IGF1R: variants seen among roughly 807,000 people sequenced by gnomAD.
IGF1R encodes the protein insulin like growth factor 1 receptor, also known as insulin-like growth factor 1 receptor.
IGF1R carries 44 observed loss-of-function variants against 144.6 expected under a neutral mutation model. That is an observed-to-expected ratio of 0.30 (90% CI 0.24 to 0.39). The LOEUF is 0.39. IGF1R is among the 10% of genes least tolerant of loss of function. IGF1R has a pLI of 1.00. For synonymous variants in IGF1R, 795 were observed against 722.8 expected (o/e 1.10, Z -1.60); for missense variants, 1,355 against 1,833.7 (o/e 0.74, Z 4.77).
chr15:98,739,870 G>A (rs1338753273), intron 2 of IGF1R, among the ~76,000 whole-genome samples: 2 of 152,196 alleles, frequency 1.3e-5, no homozygotes, highest in African/African-American at 4.8e-5. Context: ...GGGATTACAG[G>A]CCTGAGCCAC....
intron 2 of IGF1R, among the ~76,000 whole-genome samples, chr15:98,714,432 C>T (rs1251718421): frequency 1.3e-5 from 2 of 152,232 alleles, no homozygotes; most frequent in Non-Finnish European, 2.9e-5. Flanking sequence ...TCGCTTGAGT[C>T]CAGGAGCTCA....
chr15:98,888,859 G>A (rs2013771485), intron 2 of IGF1R, among the ~76,000 whole-genome samples: 1 of 152,172 alleles, frequency 6.6e-6, no homozygotes, highest in Non-Finnish European at 1.5e-5. Context: ...TTAGCCTAGC[G>A]GCCCCACTCT....
chr15:98,677,858 GT>G (rs1308052202), intron 1 of IGF1R, among the ~76,000 whole-genome samples: 3 of 152,348 alleles, frequency 2.0e-5, no homozygotes, highest in Admixed American at 2.0e-4. Context: ...GGTATGGCTA[GT>G]GGGTTGGGCA....
chr15:98,748,535 G>A (rs1444832307), intron 2 of IGF1R, among the ~76,000 whole-genome samples: 2 of 152,186 alleles, frequency 1.3e-5, no homozygotes, highest in African/African-American at 4.8e-5. Context: ...TAGCAATTAT[G>A]TGTAAAGTGG....
chr15:98,744,757 GCT>G (rs1203727909), intron 2 of IGF1R, among the ~76,000 whole-genome samples: 2 of 150,208 alleles, frequency 1.3e-5, no homozygotes, highest in African/African-American at 2.5e-5. Context: ...AATGCAAACT[GCT>G]CTGTTTTTTT....
At chr15:98,860,780 G>A (rs777211511) in intron 2 of IGF1R, among the ~76,000 whole-genome samples, 16 of 152,112 alleles carry the variant, frequency 1.1e-4, no homozygotes, top group Non-Finnish European at 1.9e-4. Context: ...AGAGAAAGCC[G>A]TCTCCATCAG....
chr15:98,767,922 G>T (rs1267927424), intron 2 of IGF1R, among the ~76,000 whole-genome samples: 1 of 152,170 alleles, frequency 6.6e-6, no homozygotes, highest in Non-Finnish European at 1.5e-5. Context: ...TGTGTGTGGG[G>T]TGATGTTTTC....
intron 1 of IGF1R, among the ~76,000 whole-genome samples, chr15:98,667,521 T>G (rs1326022473): frequency 6.6e-6 from 1 of 152,210 alleles, no homozygotes; most frequent in Non-Finnish European, 1.5e-5. Context: ...GCACGCATGC[T>G]GTGTGTCGAA....
In IGF1R at chr15:98,691,288, A is replaced by G. The variant is rs888303662; in HGVS notation, c.95-16274A>G. ...TCTCAGACTTTCCTTGTCCTTGGTG[A>G]CTTTGACAGTTTCGAGGGACACTGG... On this transcript the variant is annotated intron_variant, in intron 1 of 20. Coordinates refer to ENST00000650285, the MANE Select transcript of IGF1R (RefSeq NM_000875.5). Among the ~76,000 whole-genome samples the G allele has an allele frequency of 2.6e-5, 4 of 151,274 alleles. No homozygotes were observed. In the East Asian group the frequency reaches 7.8e-4, roughly 29 times the overall value.
chr15:98,680,738 G>A (rs1256880809), intron 1 of IGF1R, among the ~76,000 whole-genome samples: 1 of 151,684 alleles, frequency 6.6e-6, no homozygotes, highest in East Asian at 1.9e-4. Flanking sequence ...GCTAATTTTT[G>A]TTTTTTAATT....
intron 2 of IGF1R, among the ~76,000 whole-genome samples, chr15:98,858,748 C>T (rs542677864): frequency 6.6e-5 from 10 of 152,276 alleles, no homozygotes; most frequent in South Asian, 4.1e-4. Flanking sequence ...CCAGGGTTTG[C>T]GGGGAGAAAT....
At chr15:98,725,186 T>G (rs114333340) in intron 2 of IGF1R, among the ~76,000 whole-genome samples, 1 of 152,306 alleles carries the variant, frequency 6.6e-6, no homozygotes, top group African/African-American at 2.4e-5. Context: ...CACTAATACA[T>G]TGCAAGTGGT....
chr15:98,726,144 T>C (rs2054354944), intron 2 of IGF1R, among the ~76,000 whole-genome samples: 1 of 152,116 alleles, frequency 6.6e-6, no homozygotes, highest in African/African-American at 2.4e-5. Flanking sequence ...GTCTGTAGGG[T>C]GGATATGGAT....
intron 2 of IGF1R, among the ~76,000 whole-genome samples, chr15:98,770,315 A>T (rs1214768081): frequency 2.0e-5 from 3 of 152,222 alleles, no homozygotes. Context: ...TAGAGAGTAG[A>T]GTGATGGTTA....
intron 13 of IGF1R, among the ~76,000 whole-genome samples, chr15:98,927,684 C>G (rs918335563): frequency 1.3e-5 from 2 of 152,134 alleles, no homozygotes; most frequent in Non-Finnish European, 2.9e-5. Context: ...AATGCTGGAG[C>G]CTGCATCCAT....
At chr15:98,786,358 A>T (rs763871534) in intron 2 of IGF1R, among the ~76,000 whole-genome samples, 3 of 144,856 alleles carry the variant, frequency 2.1e-5, no homozygotes, top group Non-Finnish European at 4.5e-5. Context: ...CAGTGGTTTA[A>T]TTGTTAACCA....
At chr15:98,839,209 A>G (rs73481831) in intron 2 of IGF1R, among the ~76,000 whole-genome samples, 6,812 of 152,324 alleles carry the variant, frequency 0.045, 512 homozygotes, top group African/African-American at 0.15. Flanking sequence ...AGATACAACT[A>G]TTTATCCCCA....
chr15:98,945,586 G>A (rs768615904), intron 19 of IGF1R, among the ~76,000 whole-genome samples: 14 of 152,118 alleles, frequency 9.2e-5, no homozygotes, highest in Non-Finnish European at 1.9e-4. Flanking sequence ...TAAAATACCG[G>A]CTTTGAAAAA....
chr15:98,957,278 C>G lies in IGF1R; in HGVS notation c.3940C>G (p.Leu1314Val). The G allele has an allele frequency of 6.2e-7, 1 of 1,613,998 alleles. No homozygotes were observed. Among genetic ancestry groups the G allele is most frequent in the Non-Finnish European group, 8.5e-7 (1 of 1,179,938 alleles). Residue 1314 changes from leucine (L) to valine (V), a missense_variant, in exon 21 of 21, where the codon CTG becomes GTG. Physicochemically the swap from Leu to Val is conservative, Grantham distance 32 (BLOSUM62 1). Coordinates refer to ENST00000650285, the MANE Select transcript of IGF1R (RefSeq NM_000875.5). The part of the protein sequence containing the change: ...PLDPSASSSS[L>V]PLPDRHSGHK... ...GGACCCCTCGGCCTCCTCGTCCTCC[C>G]TGCCACTGCCCGACAGACACTCAGG...
Sources: gnomAD v4.1 joint callset for allele counts (sites outside exome capture counted in the v4.1 genomes callset) on GRCh38, gnomAD v4.1.1 for gene constraint, MANE v1.5 for transcripts, NCBI Gene and HGNC (gene_info 2026-07-23, HGNC 2026-07-21) for gene names.